The following ANTXR2 variants were observed in gnomAD, a reference collection of about 807,000 sequenced individuals.
The protein encoded by ANTXR2 is anthrax toxin receptor 2.
In ANTXR2, 44 loss-of-function variants were observed where a neutral mutation model predicts 73.7. That is an observed-to-expected ratio of 0.60 (90% confidence interval 0.47 to 0.77). The LOEUF is 0.77. ANTXR2 is among the 30% of genes least tolerant of loss of function. ANTXR2 has a pLI of 0.00. For synonymous variants in ANTXR2, 217 were observed against 205.9 expected, an observed-to-expected ratio of 1.05 and a Z score of -0.46; for missense variants, 604 against 592.5, an observed-to-expected ratio of 1.02 and a Z score of -0.20.
At chr4:79,926,976 T>TATACACGTGTGCATATATGTATATATAC in intron 16 of ANTXR2, among the ~76,000 whole-genome samples, 1 of 90,620 alleles carries the variant, frequency 1.1e-5, no homozygotes, top group African/African-American at 6.0e-5. Context: ...TGTGTATATA[T>TATACACGTGTGCATATATGTATATATAC]ACGTGTGCAT....
At chr4:79,936,767 T>A (rs1578098397) in intron 16 of ANTXR2, among the ~76,000 whole-genome samples, 1 of 152,314 alleles carries the variant, frequency 6.6e-6, no homozygotes, top group East Asian at 1.9e-4. Context: ...CTTTAAGTTC[T>A]GATTATTAAT....
At chr4:79,964,311 C>A (rs1729263814) in intron 16 of ANTXR2, among the ~76,000 whole-genome samples, 1 of 152,158 alleles carries the variant, frequency 6.6e-6, no homozygotes, top group Non-Finnish European at 1.5e-5. Flanking sequence ...CTTTTCAAAT[C>A]AAAAAGGAGA....
At chr4:79,988,232 TATATATATATA>T (rs1730284112) in intron 12 of ANTXR2, among the ~76,000 whole-genome samples, 2 of 446 alleles carry the variant, frequency 4.5e-3, no homozygotes, top group Admixed American at 0.091. Flanking sequence ...ATAAATTTTA[TATATATATATA>T]TATATATATA....
At chr4:79,987,337 A>G (rs1435071081) in intron 12 of ANTXR2, among the ~76,000 whole-genome samples, 1 of 152,132 alleles carries the variant, frequency 6.6e-6, no homozygotes, top group East Asian at 1.9e-4. Flanking sequence ...TTTATAATGC[A>G]ATCGGAAGCA....
At chr4:80,039,460 TC>T (rs1733131590) in intron 7 of ANTXR2, among the ~76,000 whole-genome samples, 1 of 151,918 alleles carries the variant, frequency 6.6e-6, no homozygotes, top group Non-Finnish European at 1.5e-5. Flanking sequence ...ATTGAAATGT[TC>T]AAGATATCAA....
chr4:79,975,392 G>A (rs996086862), intron 16 of ANTXR2, among the ~76,000 whole-genome samples: 2 of 151,972 alleles, frequency 1.3e-5, no homozygotes, highest in African/African-American at 2.4e-5. Context: ...ATTACTTGAT[G>A]CCATTGCTTT....
intron 16 of ANTXR2, among the ~76,000 whole-genome samples, chr4:79,954,074 G>A (rs1050571567): frequency 6.6e-5 from 10 of 152,032 alleles, no homozygotes; most frequent in African/African-American, 2.2e-4. Context: ...GAATTTACAC[G>A]AACTAAATTT....
chr4:80,058,908 C>T (rs1410703434), intron 3 of ANTXR2, among the ~76,000 whole-genome samples: 1 of 152,054 alleles, frequency 6.6e-6, no homozygotes, highest in Non-Finnish European at 1.5e-5. Context: ...TGTCATGACA[C>T]GCATCGTCCC....
rs532933555 is a variant in ANTXR2, at chr4:79,989,632, T to C, written c.1042-4769A>G. Among the ~76,000 whole-genome samples, 10 of 152,208 alleles carry C rather than the reference T, an allele frequency of 6.6e-5. No individual in the cohort carries two copies. In the South Asian group the frequency reaches 1.0e-3, roughly 16 times the overall value. On this transcript the variant is annotated intron_variant, in intron 12 of 16. Coordinates refer to ENST00000403729, the MANE Select transcript of ANTXR2 (RefSeq NM_058172.6). ...AGGGACACCTCCATAACTCATTCTA[T>C]AAGGCTAGCATCATTCTGATAACAA... is the stretch of plus-strand genomic sequence containing the variant.
rs565798783 is a variant in ANTXR2 at position 80,033,755 on chromosome 4, A to G, written c.698-185T>C. 2.0e-5 allele frequency among the ~76,000 whole-genome samples: 3 copies of G among 152,162 alleles called. No individual in the cohort carries two copies. In the East Asian group the frequency reaches 5.8e-4, roughly 29 times the overall value. ...TGGCTTTCCCAGACCCTCTAGGTAA[A>G]TGTAGTGAAGATACCATTCACTGCC... On this transcript the variant is annotated intron_variant, in intron 8 of 16. Coordinates refer to ENST00000403729, the MANE Select transcript of ANTXR2 (RefSeq NM_058172.6).
chr4:80,067,032 C>G (rs1400815391), intron 3 of ANTXR2, among the ~76,000 whole-genome samples: 2 of 152,112 alleles, frequency 1.3e-5, no homozygotes, highest in African/African-American at 4.8e-5. Context: ...GGTGAAACCC[C>G]GTCTCTACTA....
rs1726889387 is a variant in ANTXR2, at chr4:79,905,980, A to G, written c.*1449T>C. The G allele has an allele frequency of 6.6e-6, 1 of 152,564 alleles. No individual in the cohort carries two copies. The highest frequency in any genetic ancestry group is 1.5e-5 in the Non-Finnish European group (1 of 68,048). The allele number at this position is 152,564 out of a possible 1,614,324, so 9.5% of individuals were successfully genotyped here. On this transcript the variant is annotated 3_prime_UTR_variant, in exon 17 of 17. Coordinates refer to ENST00000403729, the MANE Select transcript of ANTXR2 (RefSeq NM_058172.6). ...CTGACCCAGCCACTGGTCATTGTCT[A>G]TACCAGTTCACATCAAAGCAGGCGC...
intron 16 of ANTXR2, among the ~76,000 whole-genome samples, chr4:79,965,475 C>G (rs1378622421): frequency 1.3e-5 from 2 of 152,116 alleles, no homozygotes; most frequent in African/African-American, 4.8e-5. Context: ...CCATTTCTAA[C>G]TAAAAAAATT....
intron 16 of ANTXR2, among the ~76,000 whole-genome samples, chr4:79,910,712 G>C (rs1727099436): frequency 6.6e-6 from 1 of 152,038 alleles, no homozygotes; most frequent in African/African-American, 2.4e-5. Context: ...ACTGGTGGTG[G>C]AGCCAGATGT....
chr4:79,931,471 C>G (rs1728053908), intron 16 of ANTXR2, among the ~76,000 whole-genome samples: 2 of 150,674 alleles, frequency 1.3e-5, no homozygotes, highest in South Asian at 4.2e-4. Context: ...CTCTCTCTCT[C>G]TCTCTCTCTC....
chr4:80,061,819 T>C (rs568947584), intron 3 of ANTXR2, among the ~76,000 whole-genome samples: 75 of 152,092 alleles, frequency 4.9e-4, no homozygotes, highest in African/African-American at 1.6e-3. Flanking sequence ...TTAACCTGAG[T>C]AAGAAAAATA....
intron 16 of ANTXR2, among the ~76,000 whole-genome samples, chr4:79,931,144 TCATATAAGTGCACA>T (rs1259429629): frequency 1.3e-5 from 2 of 152,242 alleles, no homozygotes; most frequent in African/African-American, 4.8e-5. Flanking sequence ...TGTATATTTG[TCATATAAGTGCACA>T]CATATTCAAA....
intron 16 of ANTXR2, among the ~76,000 whole-genome samples, chr4:79,972,781 G>A (rs537635154): frequency 0.076 from 977 of 12,884 alleles, 85 homozygotes; most frequent in Non-Finnish European, 0.17. Context: ...GGGGTCGGGG[G>A]AGGGGGGAGG....
intron 12 of ANTXR2, among the ~76,000 whole-genome samples, chr4:79,995,690 T>C (rs1730691696): frequency 1.3e-5 from 2 of 152,026 alleles, no homozygotes; most frequent in Admixed American, 1.3e-4. Flanking sequence ...TTCACCTTAT[T>C]CCAGAAAAGA....
Sources: gnomAD v4.1 joint callset for allele counts (sites outside exome capture counted in the v4.1 genomes callset) on GRCh38, gnomAD v4.1.1 for gene constraint, MANE v1.5 for transcripts, NCBI Gene and HGNC (gene_info 2026-07-23, HGNC 2026-07-21) for gene names.